Variants in MPRIP observed in about 807,000 individuals in gnomAD.
The protein encoded by MPRIP is myosin phosphatase Rho-interacting protein.
In MPRIP, 59 loss-of-function variants were observed where a neutral mutation model predicts 234.9. The ratio of observed to expected loss-of-function variants is 0.25; its 90% CI spans 0.20 to 0.31. MPRIP has a LOEUF of 0.31. Among genes scored for constraint, MPRIP ranks in the 10% least tolerant of loss-of-function variants. The pLI is 1.00. For missense variants in MPRIP, 2,436 were observed against 3,071.0 expected, an observed-to-expected ratio of 0.79 and a Z score of 4.89; for synonymous variants, 1,144 against 1,263.9, an observed-to-expected ratio of 0.91 and a Z score of 2.01.
rs1340415974 is a variant in MPRIP, at chr17:17,072,958, C to T, written c.124-2752C>T. ...ATTAAGATAAAATTCACACGTCATACGTTTAACCCATTTAAATGATACAAT... is the reference window on the plus strand; with the variant it reads ...ATTAAGATAAAATTCACACGTCATATGTTTAACCCATTTAAATGATACAAT... On this transcript the variant is annotated intron_variant, in intron 1 of 23. Transcript: ENST00000651222. Among the ~76,000 whole-genome samples, 8 of 152,222 alleles carry T rather than the reference C, an allele frequency of 5.3e-5. No homozygotes were observed. In the East Asian group the frequency reaches 5.8e-4, roughly 11 times the overall value.
chr17:17,157,697 G>A (rs561776787), intron 13 of MPRIP, among the ~76,000 whole-genome samples: 3 of 152,176 alleles, frequency 2.0e-5, no homozygotes, highest in African/African-American at 4.8e-5. Context: ...GCATGGTAGC[G>A]CATGCCGGTA....
chr17:17,082,248 C>T (rs2089478055), intron 3 of MPRIP, among the ~76,000 whole-genome samples: 1 of 148,818 alleles, frequency 6.7e-6, no homozygotes, highest in Non-Finnish European at 1.5e-5. Context: ...CAAGGGCCTG[C>T]TCTCCAAGGC....
intron 5 of MPRIP, 92 bp from the exon 6 acceptor site, chr17:17,136,127 G>C (rs1690115307): frequency 2.2e-6 from 3 of 1,366,328 alleles, no homozygotes; most frequent in South Asian, 1.2e-5. Flanking sequence ...AGCTGGCCCG[G>C]GTGCCCCCTA....
At chr17:17,073,054 C>T (rs758869662) in intron 1 of MPRIP, among the ~76,000 whole-genome samples, 1 of 152,142 alleles carries the variant, frequency 6.6e-6, no homozygotes, top group Non-Finnish European at 1.5e-5. Context: ...ATTACATCAT[C>T]GCCAAAAGAA....
intron 3 of MPRIP, among the ~76,000 whole-genome samples, chr17:17,094,905 C>T (rs2089804598): frequency 6.6e-6 from 1 of 152,102 alleles, no homozygotes; most frequent in Admixed American, 6.5e-5. Context: ...AGCCACTGTG[C>T]CCATCCTGGT....
At position 17,101,755 on chromosome 17, in the gene MPRIP, G is replaced by T. The variant is rs73979083; in HGVS notation, c.267+23679G>T. Among the ~76,000 whole-genome samples the T allele has an allele frequency of 1.1e-4, 16 of 152,286 alleles. No individual in the cohort carries two copies. The East Asian group carries it at 2.9e-3, about 28-fold the overall frequency. ...TCTAGAAATAGAATGGAAAAGGCCC[G>T]TAGGGTAGGTACTGCTATGGCTCCT... On this transcript the variant is annotated intron_variant, in intron 3 of 23. Coordinates refer to ENST00000651222, the MANE Select transcript of MPRIP (RefSeq NM_001364716.4).
At chr17:17,176,745 C>T (rs1318746141) in intron 21 of MPRIP, among the ~76,000 whole-genome samples, 2 of 152,202 alleles carry the variant, frequency 1.3e-5, no homozygotes, top group African/African-American at 2.4e-5. Context: ...TGTGTATGTG[C>T]TTTTTGTGTG....
chr17:17,185,158 T>C lies in MPRIP; in HGVS notation c.*264T>C, dbSNP rs2046451639. 5.5e-6 allele frequency: 2 copies of C among 366,050 alleles called. No homozygotes were observed. The highest frequency in any genetic ancestry group is 6.2e-5 in the East Asian group (1 of 16,114). The allele number at this position is 366,050 out of a possible 1,614,324, so 22.7% of individuals were successfully genotyped here. On this transcript the variant is annotated 3_prime_UTR_variant, in exon 24 of 24. Coordinates refer to ENST00000651222, the MANE Select transcript of MPRIP (RefSeq NM_001364716.4). Reference sequence around the variant, plus strand: ...CAGCAGTGGGGGCTGGGAGGGCATCTGTGTTAGTCCTTTCCTGGCTGTGAC... The same window carrying C: ...CAGCAGTGGGGGCTGGGAGGGCATCCGTGTTAGTCCTTTCCTGGCTGTGAC...
chr17:17,129,314 G>A lies in MPRIP; in HGVS notation c.420-2303G>A, dbSNP rs572230572. 2.0e-5 allele frequency among the ~76,000 whole-genome samples: 3 copies of A among 152,174 alleles called. No individual in the cohort carries two copies. In the South Asian group the frequency reaches 6.2e-4, roughly 32 times the overall value. On this transcript the variant is annotated intron_variant, in intron 4 of 23. Transcript: ENST00000651222. Reference sequence around the variant, plus strand: ...CACTCCCCTGTTCTCACTCATCCGGGCTCTGCCGTCCCTATCCGGGGAGCC... The same window carrying A: ...CACTCCCCTGTTCTCACTCATCCGGACTCTGCCGTCCCTATCCGGGGAGCC...
Position 17,191,732 on chromosome 17 carries a change from G to A in MPRIP, c.*6838G>A, listed in dbSNP as rs576790242. On this transcript the variant is annotated 3_prime_UTR_variant, in exon 24 of 24. Transcript: ENST00000651222. ...TCACTCCCTGCCCCCCACTGCCCTT[G>A]AGAAGTTAGTGGTGTCACATCCTTA... 6.6e-6 allele frequency: 1 copy of A among 152,396 alleles called. No individual in the cohort carries two copies. Among genetic ancestry groups the A allele is most frequent in the East Asian group, 1.9e-4 (1 of 5,188 alleles). 9.4% of individuals were successfully genotyped at this position (152,396 alleles called of 1,614,324 possible).
At chr17:17,095,837 C>T (rs1296503241) in intron 3 of MPRIP, among the ~76,000 whole-genome samples, 1 of 152,176 alleles carries the variant, frequency 6.6e-6, no homozygotes, top group Non-Finnish European at 1.5e-5. Flanking sequence ...GTGTCTGCAG[C>T]AGTGCCAGCC....
chr17:17,091,352 AG>A (rs2089712195), intron 3 of MPRIP, among the ~76,000 whole-genome samples: 1 of 152,098 alleles, frequency 6.6e-6, no homozygotes, highest in South Asian at 2.1e-4. Context: ...ACTGAGACCC[AG>A]GGGGCAGGCA....
rs546541513 is a variant in MPRIP, at chr17:17,078,428, G to A, written c.267+352G>A. Among the ~76,000 whole-genome samples the A allele has an allele frequency of 2.0e-5, 3 of 152,368 alleles. No homozygotes were observed. Among genetic ancestry groups the A allele is most frequent in the Non-Finnish European group, 4.4e-5 (3 of 68,042 alleles). ...GCAGGCTGTGGACCTGTGGGCGTGG[G>A]GCAGGGGCTGGCCCTGGGGCTGGCA... On this transcript the variant is annotated intron_variant, in intron 3 of 23. Transcript: ENST00000651222. This position sits in a 1 kb window ranked among gnomAD's most constrained non-coding sequence, Gnocchi z 4.3.
intron 1 of MPRIP, among the ~76,000 whole-genome samples, chr17:17,052,947 C>A (rs1037813271): frequency 6.6e-6 from 1 of 152,144 alleles, no homozygotes; most frequent in African/African-American, 2.4e-5. Context: ...CCTCGTGGTC[C>A]TTCCCATAGA....
chr17:17,115,623 T>C (rs1001010575), intron 3 of MPRIP, among the ~76,000 whole-genome samples: 1 of 152,150 alleles, frequency 6.6e-6, no homozygotes, highest in African/African-American at 2.4e-5. Context: ...ACAATCTAAT[T>C]TCAGAGCATT....
chr17:17,122,317 T>C (rs1336088544), intron 3 of MPRIP, among the ~76,000 whole-genome samples: 1 of 152,130 alleles, frequency 6.6e-6, no homozygotes, highest in Non-Finnish European at 1.5e-5. Flanking sequence ...GGGAGCTGTT[T>C]TTTGTTTTCA....
intron 1 of MPRIP, among the ~76,000 whole-genome samples, chr17:17,056,769 T>C (rs2088712020): frequency 6.6e-6 from 1 of 151,946 alleles, no homozygotes; most frequent in African/African-American, 2.4e-5. Context: ...CCTTAACTAT[T>C]AAGCAGTCAC....
intron 22 of MPRIP, 97 bp downstream of exon 22, chr17:17,177,509 C>G (rs1032345848): frequency 7.5e-7 from 1 of 1,337,846 alleles, no homozygotes; most frequent in Non-Finnish European, 1.0e-6. Context: ...GCAGAAGAGT[C>G]CCAGTGATGC....
intron 1 of MPRIP, chr17:17,057,891 G>T (rs2143900172): frequency 3.5e-6 from 2 of 564,990 alleles, no homozygotes; most frequent in Middle Eastern, 4.5e-4. Flanking sequence ...GTACACAAAA[G>T]GATACAAGCA....
Sources: allele counts gnomAD v4.1 joint callset (sites outside exome capture counted in the v4.1 genomes callset), GRCh38; gene constraint gnomAD v4.1.1; non-coding constraint Gnocchi (gnomAD v3.1); transcripts MANE v1.5; gene names NCBI Gene and HGNC (gene_info 2026-07-23, HGNC 2026-07-21).